NHS: variants seen among roughly 807,000 people sequenced by gnomAD.
NHS encodes NHS actin remodeling regulator.
Under a neutral mutation model 72.5 loss-of-function variants are expected in NHS, and 5 were observed. The observed-to-expected ratio is 0.07, with a 90% CI of 0.04 to 0.14. The LOEUF is 0.14. Among genes scored for constraint, NHS ranks in the 10% least tolerant of loss-of-function variants. NHS has a pLI of 1.00. For synonymous variants in NHS, 464 were observed against 547.7 expected (o/e 0.85, Z 2.13); for missense variants, 1,072 against 1,355.7 (o/e 0.79, Z 3.29).
chrX:17,562,151 C>A (rs1309915236), intron 1 of NHS, among the ~76,000 whole-genome samples: 1 of 111,290 alleles, frequency 9.0e-6, no homozygotes, highest in Admixed American at 9.5e-5. Flanking sequence ...AAAACAAGAC[C>A]TCAAGTGTAA....
At chrX:17,561,568 G>GCACACACACA (rs1415127425) in intron 1 of NHS, among the ~76,000 whole-genome samples, 11 of 65,610 alleles carry the variant, frequency 1.7e-4, no homozygotes, top group African/African-American at 7.2e-4. Flanking sequence ...GCGCGCGCGC[G>GCACACACACA]CGCGCGCACA....
At chrX:17,636,067 G>A (rs2147071717) in intron 1 of NHS, among the ~76,000 whole-genome samples, 1 of 112,136 alleles carries the variant, frequency 8.9e-6, no homozygotes, top group South Asian at 3.7e-4. Context: ...CTTGCACCAG[G>A]CCCTATGTTG....
intron 1 of NHS, among the ~76,000 whole-genome samples, chrX:17,581,303 G>A (rs2065542422): frequency 8.9e-6 from 1 of 111,985 alleles, no homozygotes; most frequent in African/African-American, 3.2e-5. Flanking sequence ...CTATGACTGG[G>A]AAAGAAGGTG....
intron 1 of NHS, among the ~76,000 whole-genome samples, chrX:17,438,889 A>G (rs2064737684): frequency 9.1e-6 from 1 of 110,109 alleles, no homozygotes; most frequent in Non-Finnish European, 1.9e-5. Context: ...TGGATACCAT[A>G]TTTAGATTCT....
At chrX:17,454,462 C>G in intron 1 of NHS, among the ~76,000 whole-genome samples, 1 of 112,173 alleles carries the variant, frequency 8.9e-6, no homozygotes, top group Non-Finnish European at 1.9e-5. Context: ...CCTTTCTATT[C>G]TAGTCACAAG....
In NHS at chrX:17,727,099, C is replaced by A. The variant is rs1355509281; in HGVS notation, c.2993C>A (p.Pro998Gln). ...CAATCAGAATCAAGAGCCACCACCCCATCTCTTCCTTCTGTTGACAATGAG... is the reference window on the plus strand; with the variant it reads ...CAATCAGAATCAAGAGCCACCACCCAATCTCTTCCTTCTGTTGACAATGAG... ...TSQSESRATT[P>Q]SLPSVDNEFK... The change falls in exon 7 of 9, where the codon CCA (proline) becomes CAA (glutamine). Residue 998 changes from proline to glutamine, a missense_variant. Pro to Gln is a moderately conservative substitution (Grantham distance 76). Coordinates refer to ENST00000676302, the MANE Select transcript of NHS (RefSeq NM_001291867.2). 1.7e-6 allele frequency: 2 copies of A among 1,212,041 alleles called. No individual in the cohort carries two copies. Among genetic ancestry groups the A allele is most frequent in the South Asian group, 3.5e-5 (2 of 56,999 alleles).
chrX:17,439,557 T>C (rs1209252268), intron 1 of NHS, among the ~76,000 whole-genome samples: 1 of 112,246 alleles, frequency 8.9e-6, no homozygotes, highest in Non-Finnish European at 1.9e-5. Flanking sequence ...TGCAGCTTGT[T>C]GTTTTTGCTC....
chrX:17,564,468 T>C (rs2065431308), intron 1 of NHS, among the ~76,000 whole-genome samples: 1 of 111,920 alleles, frequency 8.9e-6, no homozygotes, highest in South Asian at 3.7e-4. Flanking sequence ...CAGCACTTAT[T>C]GTACTGTCCT....
At chrX:17,661,900 C>T (rs1010781030) in intron 1 of NHS, among the ~76,000 whole-genome samples, 1 of 111,987 alleles carries the variant, frequency 8.9e-6, no homozygotes, top group Non-Finnish European at 1.9e-5. Flanking sequence ...TAAAGGCCCA[C>T]TCACCTTGCC....
intron 3 of NHS, among the ~76,000 whole-genome samples, chrX:17,706,888 A>G (rs1027630287): frequency 8.9e-6 from 1 of 111,942 alleles, no homozygotes; most frequent in African/African-American, 3.3e-5. Context: ...TACTTGGGAC[A>G]TGCACTTGCT....
chrX:17,732,660 T>A lies in NHS; in HGVS notation c.*196T>A. On this transcript the variant is annotated 3_prime_UTR_variant, in exon 9 of 9. Coordinates refer to ENST00000676302, the MANE Select transcript of NHS (RefSeq NM_001291867.2). ...ACATTCTTGATTAGTTTCCATATTT[T>A]AAGTAGCTGCAGTCTTTCATGTTTT... The A allele has an allele frequency of 1.9e-6, 1 of 529,499 alleles. No homozygotes were observed. The highest frequency in any genetic ancestry group is 3.1e-6 in the Non-Finnish European group (1 of 325,151). 43.6% of individuals were successfully genotyped at this position (529,499 alleles called of 1,213,427 possible).
intron 1 of NHS, among the ~76,000 whole-genome samples, chrX:17,629,457 G>A (rs2065814867): frequency 9.0e-6 from 1 of 111,683 alleles, no homozygotes; most frequent in African/African-American, 3.3e-5. Flanking sequence ...CTCTATAGTG[G>A]TATGGAGTAC....
intron 1 of NHS, among the ~76,000 whole-genome samples, chrX:17,433,196 CTTTTT>C (rs768285319): frequency 0.055 from 3,546 of 64,279 alleles, 216 homozygotes; most frequent in African/African-American, 0.21. Context: ...CGCCCGGCTA[CTTTTT>C]TTTTTTTTTT....
Position 17,733,729 on chromosome X carries a change from CATT to C in NHS, c.*1266_*1268del, listed in dbSNP as rs2147150159. On this transcript the variant is annotated 3_prime_UTR_variant, in exon 9 of 9. Transcript: ENST00000676302. ...TATGTGTATATGCATTATTTATACT[CATT>C]GTTAAACTGGGAATGGGGAACAGCT... is the stretch of plus-strand genomic sequence containing the variant. 1 of 111,855 alleles carries C rather than the reference CATT, an allele frequency of 8.9e-6. No individual in the cohort carries two copies. Among genetic ancestry groups the C allele is most frequent in the South Asian group, 3.8e-4 (1 of 2,647 alleles). 9.2% of individuals were successfully genotyped at this position (111,855 alleles called of 1,213,427 possible).
intron 1 of NHS, among the ~76,000 whole-genome samples, chrX:17,554,134 A>G (rs1481189289): frequency 8.9e-6 from 1 of 112,370 alleles, no homozygotes; most frequent in East Asian, 2.8e-4. Context: ...AGCTCTCTGC[A>G]GCGCAGCATG....
intron 1 of NHS, among the ~76,000 whole-genome samples, chrX:17,463,326 G>C (rs1046182658): frequency 8.2e-5 from 9 of 110,238 alleles, no homozygotes; most frequent in Non-Finnish European, 1.5e-4. Flanking sequence ...GGGATTTGCT[G>C]GGGGGGAGGG....
chrX:17,409,744 C>T (rs1347719114), intron 1 of NHS, among the ~76,000 whole-genome samples: 1 of 111,585 alleles, frequency 9.0e-6, no homozygotes, highest in African/African-American at 3.3e-5. Context: ...TTTTGCTCAT[C>T]CTTCATTGGC....
chrX:17,575,918 C>G (rs1391589359), intron 1 of NHS, among the ~76,000 whole-genome samples: 2 of 111,978 alleles, frequency 1.8e-5, no homozygotes, highest in South Asian at 7.5e-4. Flanking sequence ...CAGACACGAG[C>G]AAAGGCCTGT....
intron 1 of NHS, among the ~76,000 whole-genome samples, chrX:17,666,719 C>T (rs1389728839): frequency 8.9e-6 from 1 of 112,726 alleles, no homozygotes; most frequent in Non-Finnish European, 1.9e-5. Flanking sequence ...ATAGGATAGG[C>T]TATGCTATGA....
Sources: allele counts gnomAD v4.1 joint callset (sites outside exome capture counted in the v4.1 genomes callset), GRCh38; gene constraint gnomAD v4.1.1; transcripts MANE v1.5; gene names NCBI Gene and HGNC (gene_info 2026-07-23, HGNC 2026-07-21).